FXN: variants seen among roughly 807,000 people sequenced by gnomAD.
The protein encoded by FXN is frataxin, mitochondrial.
FXN carries 14 observed loss-of-function variants against 22.4 expected under a neutral mutation model. The observed-to-expected ratio is 0.62, with a 90% CI of 0.41 to 0.98. FXN has a LOEUF of 0.98. Among genes scored for constraint, FXN ranks in the 50% least tolerant of loss-of-function variants. FXN has a pLI of 0.00. For synonymous variants in FXN, 120 were observed against 114.1 expected (o/e 1.05, Z -0.33); for missense variants, 267 against 268.4 (o/e 0.99, Z 0.04).
At chr9:69,056,127 C>T (rs1053629413) in intron 3 of FXN, among the ~76,000 whole-genome samples, 2 of 152,166 alleles carry the variant, frequency 1.3e-5, no homozygotes, top group African/African-American at 4.8e-5. Context: ...GATTCTCTCA[C>T]CTCGGCCTCC....
chr9:69,072,728 T>C lies in FXN; in HGVS notation c.599T>C (p.Leu200Ser), dbSNP rs1379863332. ...AAAGCCTTAAAAACCAAACTGGACT[T>C]GTCTTCCTTGGCCTATTCCGGAAAA... ...LTKALKTKLD[L>S]SSLAYSGKDA The change falls in exon 5 of 5, where the codon TTG becomes TCG. Residue 200 changes from leucine (L) to serine (S), a missense_variant. Physicochemically the swap from Leu to Ser is moderately radical, Grantham distance 145 (BLOSUM62 -2). Coordinates refer to ENST00000484259, the MANE Select transcript of FXN (RefSeq NM_000144.5). The C allele has an allele frequency of 1.2e-6, 2 of 1,614,196 alleles. No homozygotes were observed. The highest frequency in any genetic ancestry group is 1.7e-6 in the Non-Finnish European group (2 of 1,180,038).
chr9:69,046,198 CA>C lies in FXN; in HGVS notation c.166-186del, dbSNP rs1396358221. ...AAGGGCTAAGTAGGAAACCGGGAAC[CA>C]GGGGAGAGGAGAAGAGAAGAGAGGA... On this transcript the variant is annotated intron_variant, in intron 1 of 4. Transcript: ENST00000484259. 2.0e-5 allele frequency among the ~76,000 whole-genome samples: 3 copies of C among 151,994 alleles called. No individual in the cohort carries two copies. In the East Asian group the frequency reaches 5.8e-4, roughly 29 times the overall value.
intron 3 of FXN, among the ~76,000 whole-genome samples, chr9:69,055,892 A>G (rs1250407724): frequency 2.0e-5 from 3 of 148,470 alleles, no homozygotes; most frequent in Non-Finnish European, 4.5e-5. Flanking sequence ...ATTTAGTATT[A>G]TTATTTTTAG....
intron 1 of FXN, among the ~76,000 whole-genome samples, chr9:69,039,883 C>G (rs1439685702): frequency 7.2e-5 from 11 of 152,094 alleles, no homozygotes; most frequent in Non-Finnish European, 1.6e-4. Context: ...CTGGTGGGGA[C>G]TTTGCAGAGT....
chr9:69,054,796 C>T (rs992967784), intron 3 of FXN, among the ~76,000 whole-genome samples: 2 of 152,176 alleles, frequency 1.3e-5, no homozygotes, highest in Non-Finnish European at 2.9e-5. Context: ...TGTGAGCCAC[C>T]GCGCCTGGCT....
intron 1 of FXN, among the ~76,000 whole-genome samples, chr9:69,039,246 A>C (rs1587814208): frequency 6.7e-6 from 1 of 149,610 alleles, no homozygotes; most frequent in African/African-American, 2.5e-5. Context: ...ACAGAGCGAG[A>C]CTCCGTCTCA....
At position 69,075,188 on chromosome 9, in the gene FXN, T is replaced by C. The variant is rs1832343328; in HGVS notation, c.*2426T>C. On this transcript the variant is annotated 3_prime_UTR_variant, in exon 5 of 5. Transcript: ENST00000484259. Reference sequence around the variant, plus strand: ...AGGAAAGAAAAGGGGCCTGGCACAGTGGCTCATGCCTGTAATCCCAGCACT... The same window carrying C: ...AGGAAAGAAAAGGGGCCTGGCACAGCGGCTCATGCCTGTAATCCCAGCACT... 1.0e-6 allele frequency: 1 copy of C among 984,610 alleles called. No homozygotes were observed. Among genetic ancestry groups the C allele is most frequent in the African/African-American group, 1.7e-5 (1 of 57,340 alleles). 61.0% of individuals were successfully genotyped at this position (984,610 alleles called of 1,614,324 possible). A position where few individuals can be genotyped will look rare whatever the true frequency, so the allele number is the denominator to read the frequency against.
In FXN at chr9:69,064,953, G is replaced by A. The variant is rs759441343; in HGVS notation, c.400G>A (p.Val134Ile). 12 of 1,613,290 alleles carry A rather than the reference G, an allele frequency of 7.4e-6. No homozygotes were observed. The highest frequency in any genetic ancestry group is 1.0e-5 in the Non-Finnish European group (12 of 1,179,278). ...AATCCCCTAGAGTGGTGTCTTAACTGTCAAACTGGGTGGAGATCTAGGAAC... is the reference window on the plus strand; with the variant it reads ...AATCCCCTAGAGTGGTGTCTTAACTATCAAACTGGGTGGAGATCTAGGAAC... Reference protein sequence around the residue: ...DVSFGSGVLTVKLGGDLGTYV... With the variant: ...DVSFGSGVLTIKLGGDLGTYV... Residue 134 changes from valine to isoleucine, a missense_variant, in exon 4 of 5, where the codon GTC (valine) becomes ATC (isoleucine). Transcript: ENST00000484259.
In FXN at chr9:69,073,251, A is replaced by G; in HGVS notation, c.*489A>G. 9.7e-7 allele frequency: 1 copy of G among 1,026,210 alleles called. No individual in the cohort carries two copies. The highest frequency in any genetic ancestry group is 1.7e-5 in the African/African-American group (1 of 58,024). 63.6% of individuals were successfully genotyped at this position (1,026,210 alleles called of 1,614,324 possible). A position where few individuals can be genotyped will look rare whatever the true frequency, so the allele number is the denominator to read the frequency against. ...TTCAGGCTTCTTTCAAAGTGTAAGCACTTCTGAGCTCTTTAGCATTGAAGT... is the reference window on the plus strand; with the variant it reads ...TTCAGGCTTCTTTCAAAGTGTAAGCGCTTCTGAGCTCTTTAGCATTGAAGT... On this transcript the variant is annotated 3_prime_UTR_variant, in exon 5 of 5. Transcript: ENST00000484259.
Position 69,073,086 on chromosome 9 carries a change from A to G in FXN, c.*324A>G. The stretch of plus-strand genomic sequence containing the variant: ...AAAAGCAAAATAATAAGAAGGAAAA[A>G]TTCCAGGAGGGAAAATGAATTGTCT... On this transcript the variant is annotated 3_prime_UTR_variant, in exon 5 of 5. Coordinates refer to ENST00000484259, the MANE Select transcript of FXN (RefSeq NM_000144.5). The G allele has an allele frequency of 8.4e-7, 1 of 1,189,566 alleles. No homozygotes were observed. Among genetic ancestry groups the G allele is most frequent in the Non-Finnish European group, 1.0e-6 (1 of 954,674 alleles). 73.7% of individuals were successfully genotyped at this position (1,189,566 alleles called of 1,614,324 possible). A position where few individuals can be genotyped will look rare whatever the true frequency, so the allele number is the denominator to read the frequency against.
chr9:69,051,888 C>T (rs373600092), intron 2 of FXN, among the ~76,000 whole-genome samples: 3 of 152,328 alleles, frequency 2.0e-5, no homozygotes, highest in African/African-American at 7.2e-5. Context: ...GCTCTTGTTG[C>T]CCAGGCTGGA....
At chr9:69,063,304 T>C (rs1007637936) in intron 3 of FXN, among the ~76,000 whole-genome samples, 1 of 152,184 alleles carries the variant, frequency 6.6e-6, no homozygotes, top group Non-Finnish European at 1.5e-5. Flanking sequence ...AACAGTGTCT[T>C]TGGACCCACA....
Position 69,072,704 on chromosome 9 carries a change from A to C in FXN, c.575A>C (p.Lys192Thr). 1 of 1,614,196 alleles carries C rather than the reference A, an allele frequency of 6.2e-7. No individual in the cohort carries two copies. Among genetic ancestry groups the C allele is most frequent in the Non-Finnish European group, 8.5e-7 (1 of 1,180,034 alleles). Residue 192 changes from lysine to threonine, a missense_variant, in exon 5 of 5, where the codon AAA becomes ACA. Transcript: ENST00000484259. ...LHELLAAELT[K>T]ALKTKLDLSS... ...GAGCTGCTGGCCGCAGAGCTCACTAAAGCCTTAAAAACCAAACTGGACTTG... is the reference window on the plus strand; with the variant it reads ...GAGCTGCTGGCCGCAGAGCTCACTACAGCCTTAAAAACCAAACTGGACTTG...
intron 1 of FXN, among the ~76,000 whole-genome samples, chr9:69,037,284 A>AAAAGAAGAAGAAGAAGAAG (rs544093183): frequency 5.9e-4 from 46 of 78,050 alleles, no homozygotes; most frequent in African/African-American, 1.7e-3. Flanking sequence ...AAAAAAAAAA[A>AAAAGAAGAAGAAGAAGAAG]AAGAAGAAGA....
chr9:69,060,101 GC>G (rs1297328696), intron 3 of FXN, among the ~76,000 whole-genome samples: 1 of 152,148 alleles, frequency 6.6e-6, no homozygotes, highest in African/African-American at 2.4e-5. Context: ...GGGCGTGGTG[GC>G]TCACGCCTGT....
At chr9:69,061,727 C>T (rs1286061926) in intron 3 of FXN, among the ~76,000 whole-genome samples, 1 of 144,854 alleles carries the variant, frequency 6.9e-6, no homozygotes, top group African/African-American at 2.5e-5. Flanking sequence ...CTTCCTGTGA[C>T]CATGTGTTCT....
chr9:69,064,819 G>C (rs557220225), intron 3 of FXN, 119 bp from the exon 4 acceptor site: 11 of 708,142 alleles, frequency 1.6e-5, no homozygotes, highest in South Asian at 1.3e-4. Flanking sequence ...TCTTTATGGT[G>C]TATTTTGTGT....
Position 69,077,125 on chromosome 9 carries a change from G to A in FXN, c.*4363G>A. On this transcript the variant is annotated 3_prime_UTR_variant, in exon 5 of 5. Transcript: ENST00000484259. ...GACGGGGTTTCACCATCATGGCCAG[G>A]CTGGTCTTGAACTCCTGACCTAGTA... 1.7e-6 allele frequency: 1 copy of A among 572,288 alleles called. No individual in the cohort carries two copies. Among genetic ancestry groups the A allele is most frequent in the Non-Finnish European group, 2.2e-6 (1 of 452,860 alleles). 35.5% of individuals were successfully genotyped at this position (572,288 alleles called of 1,614,324 possible).
chr9:69,056,145 CCGGGATTA>C (rs1831953509), intron 3 of FXN, among the ~76,000 whole-genome samples: 1 of 152,114 alleles, frequency 6.6e-6, no homozygotes, highest in Non-Finnish European at 1.5e-5. Flanking sequence ...TCCCAAAGCA[CCGGGATTA>C]CAGGTGTGTG....
Sources: gnomAD v4.1 joint callset for allele counts (sites outside exome capture counted in the v4.1 genomes callset) on GRCh38, gnomAD v4.1.1 for gene constraint, MANE v1.5 for transcripts, NCBI Gene and HGNC (gene_info 2026-07-23, HGNC 2026-07-21) for gene names.